UNC13C: variants seen among roughly 807,000 people sequenced by gnomAD.
UNC13C encodes the protein protein unc-13 homolog C.
A neutral mutation model predicts 245.4 loss-of-function variants in UNC13C; 174 were observed. The ratio of observed to expected loss-of-function variants is 0.71; its 90% CI spans 0.63 to 0.80. The LOEUF (loss-of-function observed/expected upper bound fraction) is 0.80, where lower values mean the gene tolerates loss of function less well. Ranked by LOEUF, UNC13C falls within the 30% of genes least tolerant of loss-of-function variation. The pLI is 0.00. For missense variants in UNC13C, 2,829 were observed against 2,602.9 expected, an observed-to-expected ratio of 1.09 and a Z score of -1.89; for synonymous variants, 992 against 895.1, an observed-to-expected ratio of 1.11 and a Z score of -1.93.
chr15:54,042,062 A>ATGC (rs1896828391), intron 2 of UNC13C, among the ~76,000 whole-genome samples: 1 of 152,186 alleles, frequency 6.6e-6, no homozygotes, highest in African/African-American at 2.4e-5. Flanking sequence ...CACCAACAAG[A>ATGC]TGCTGCGATT....
At chr15:54,491,331 A>G (rs1893693604) in intron 19 of UNC13C, among the ~76,000 whole-genome samples, 1 of 152,094 alleles carries the variant, frequency 6.6e-6, no homozygotes, top group African/African-American at 2.4e-5. Flanking sequence ...ACTGTTAAAT[A>G]AAACATATCC....
the UNC13C span, among the ~76,000 whole-genome samples, chr15:53,965,899 T>A: frequency 1.3e-5 from 2 of 152,150 alleles, no homozygotes; most frequent in Non-Finnish European, 2.9e-5. Flanking sequence ...CATGAACTCA[T>A]CACTTTTTAT....
At chr15:54,105,825 A>G (rs1271612810) in intron 2 of UNC13C, among the ~76,000 whole-genome samples, 1 of 152,226 alleles carries the variant, frequency 6.6e-6, no homozygotes. Flanking sequence ...AGTAAACAGA[A>G]TAATTGGAAT....
intron 19 of UNC13C, among the ~76,000 whole-genome samples, chr15:54,462,786 C>A (rs36113370): frequency 6.6e-6 from 1 of 152,206 alleles, no homozygotes; most frequent in Non-Finnish European, 1.5e-5. Context: ...GGCGCCACCC[C>A]CTGCTCCACA....
intron 7 of UNC13C, among the ~76,000 whole-genome samples, chr15:54,245,625 T>A (rs1393567571): frequency 6.6e-6 from 1 of 152,170 alleles, no homozygotes; most frequent in Admixed American, 6.5e-5. Context: ...TATCCTAGCA[T>A]TGCTCTGTCT....
At chr15:54,156,928 A>G (rs777911821) in intron 4 of UNC13C, among the ~76,000 whole-genome samples, 26 of 151,860 alleles carry the variant, frequency 1.7e-4, no homozygotes, top group Non-Finnish European at 3.5e-4. Flanking sequence ...AGCAGTTAGA[A>G]CTAGACATCA....
intron 2 of UNC13C, chr15:54,048,552 C>T (rs538910613): frequency 2.6e-4 from 129 of 495,526 alleles, no homozygotes; most frequent in Non-Finnish European, 4.4e-4. Context: ...AAATGGAAGA[C>T]TTTTTATAGA....
At chr15:54,435,458 T>C (rs1237448042) in intron 19 of UNC13C, among the ~76,000 whole-genome samples, 2 of 151,982 alleles carry the variant, frequency 1.3e-5, no homozygotes, top group African/African-American at 4.8e-5. Context: ...ACTATCATTC[T>C]CAGCAAACTA....
intron 5 of UNC13C, among the ~76,000 whole-genome samples, chr15:54,235,870 TA>T (rs1465127187): frequency 1.3e-5 from 2 of 151,838 alleles, no homozygotes; most frequent in African/African-American, 2.4e-5. Context: ...ATAAAAATAA[TA>T]AAAAAGAAGA....
At chr15:54,339,240 A>T (rs895905730) in intron 17 of UNC13C, among the ~76,000 whole-genome samples, 22 of 152,248 alleles carry the variant, frequency 1.4e-4, no homozygotes, top group African/African-American at 5.3e-4. Context: ...ACAATCTCAC[A>T]GCAGTAGTAA....
intron 2 of UNC13C, among the ~76,000 whole-genome samples, chr15:54,060,883 C>A (rs1050960665): frequency 7.9e-5 from 12 of 152,184 alleles, no homozygotes; most frequent in African/African-American, 2.9e-4. Context: ...AAACCAAACA[C>A]CGCAGTTCTC....
the UNC13C span, among the ~76,000 whole-genome samples, chr15:53,917,362 C>G: frequency 6.6e-6 from 1 of 152,028 alleles, no homozygotes; most frequent in African/African-American, 2.4e-5. Context: ...GACTGGAAAC[C>G]TGAACAAAGT....
chr15:54,286,177 G>A (rs368059770), intron 10 of UNC13C, among the ~76,000 whole-genome samples: 1 of 152,048 alleles, frequency 6.6e-6, no homozygotes, highest in African/African-American at 2.4e-5. Flanking sequence ...CACTCTGCCT[G>A]GTCCATTATT....
Position 54,518,785 on chromosome 15 carries a change from AG to A in UNC13C, c.5458-6762del, listed in dbSNP as rs1895090156. On this transcript the variant is annotated intron_variant, in intron 24 of 32. Transcript: ENST00000260323. Reference sequence around the variant, plus strand: ...CTGAGCAGTGGTTTATAACACATGCAGGAATGTGAAGAAACAGCCAAATGGG... The same window carrying A: ...CTGAGCAGTGGTTTATAACACATGCAGAATGTGAAGAAACAGCCAAATGGG... Among the ~76,000 whole-genome samples the A allele has an allele frequency of 2.6e-5, 4 of 152,202 alleles. No homozygotes were observed. The South Asian group carries it at 8.3e-4, about 31-fold the overall frequency.
chr15:54,110,189 A>C (rs1001395830), intron 2 of UNC13C, among the ~76,000 whole-genome samples: 1 of 152,026 alleles, frequency 6.6e-6, no homozygotes, highest in Non-Finnish European at 1.5e-5. Flanking sequence ...CTGAGGCATG[A>C]GAATTGCATG....
At chr15:53,878,834 G>GAACC in the UNC13C span, among the ~76,000 whole-genome samples, 1 of 152,110 alleles carries the variant, frequency 6.6e-6, no homozygotes, top group Non-Finnish European at 1.5e-5. Flanking sequence ...TTTGCTCATG[G>GAACC]AACCAACCAA....
chr15:54,372,535 C>G (rs1337427284), intron 17 of UNC13C, among the ~76,000 whole-genome samples: 1 of 152,258 alleles, frequency 6.6e-6, no homozygotes, highest in South Asian at 2.1e-4. Flanking sequence ...GATTCCTTTT[C>G]TTTTCATTAT....
At chr15:54,333,926 C>A in intron 16 of UNC13C, 70 bp downstream of exon 16, 1 of 1,127,014 alleles carries the variant, frequency 8.9e-7, no homozygotes, top group Non-Finnish European at 1.3e-6. Context: ...TAAAGTCTTG[C>A]TTTACCCTCC....
intron 2 of UNC13C, among the ~76,000 whole-genome samples, chr15:54,070,655 T>C (rs1291941217): frequency 1.3e-5 from 2 of 152,140 alleles, no homozygotes; most frequent in Admixed American, 6.5e-5. Flanking sequence ...ACTTGGACCA[T>C]GCATGTTCAT....
Sources: gnomAD v4.1 joint callset for allele counts (sites outside exome capture counted in the v4.1 genomes callset) on GRCh38, gnomAD v4.1.1 for gene constraint, MANE v1.5 for transcripts, NCBI Gene and HGNC (gene_info 2026-07-23, HGNC 2026-07-21) for gene names.